UBR1: variants seen among roughly 807,000 people sequenced by gnomAD.
UBR1 encodes E3 ubiquitin-protein ligase UBR1.
Under a neutral mutation model 242.1 loss-of-function variants are expected in UBR1, and 102 were observed. That is an observed-to-expected ratio of 0.42 (90% CI 0.36 to 0.50). The LOEUF (loss-of-function observed/expected upper bound fraction) is 0.50. Among genes scored for constraint, UBR1 ranks in the 20% least tolerant of loss-of-function variants. The pLI is 0.01. For missense variants in UBR1, 1,772 were observed against 2,101.8 expected (o/e 0.84, Z 3.07); for synonymous variants, 675 against 684.8 (o/e 0.99, Z 0.22).
chr15:43,044,458 T>A (rs912379367), intron 14 of UBR1, among the ~76,000 whole-genome samples: 4 of 152,154 alleles, frequency 2.6e-5, no homozygotes, highest in Non-Finnish European at 5.9e-5. Flanking sequence ...TCTGGGTGAA[T>A]ACAGAAGGGA....
intron 12 of UBR1, among the ~76,000 whole-genome samples, chr15:43,052,474 G>A (rs2033568326): frequency 6.6e-6 from 1 of 152,208 alleles, no homozygotes; most frequent in Non-Finnish European, 1.5e-5. Context: ...TGCTTTGAGA[G>A]AATGAAAATT....
In UBR1 at chr15:42,995,462, A is replaced by G. The variant is rs554887419; in HGVS notation, c.3757+2706T>C. 1.8e-3 allele frequency among the ~76,000 whole-genome samples: 268 copies of G among 151,678 alleles called. 2 individuals carry two copies. Among genetic ancestry groups the G allele is most frequent in the African/African-American group, 4.6e-3 (189 of 41,358 alleles). On this transcript the variant is annotated intron_variant, in intron 33 of 46. Coordinates refer to ENST00000290650, the MANE Select transcript of UBR1 (RefSeq NM_174916.3). Reference sequence around the variant, plus strand: ...ATCACAAGGTCAGGAGATCAAGACCATCCTGGCTAACACGGTGAAACCCCG... The same window carrying G: ...ATCACAAGGTCAGGAGATCAAGACCGTCCTGGCTAACACGGTGAAACCCCG...
chr15:42,966,176 G>A lies in UBR1; in HGVS notation c.4568C>T (p.Thr1523Ile). The part of the protein sequence containing the change: ...ALFFHYLLGV[T>I]PPEELHTNSA... ...ACTGGTATGCAGTTCCTCAGGCGGAGTTACCCCAAGTAAATAGTGGAAAAA... is the reference window on the plus strand; with the variant it reads ...ACTGGTATGCAGTTCCTCAGGCGGAATTACCCCAAGTAAATAGTGGAAAAA... Residue 1523 changes from threonine to isoleucine, a missense_variant, in exon 41 of 47, where the codon ACT (threonine) becomes ATT (isoleucine). Thr to Ile is a moderately conservative substitution (Grantham distance 89). Coordinates refer to ENST00000290650, the MANE Select transcript of UBR1 (RefSeq NM_174916.3). 1.2e-6 allele frequency: 2 copies of A among 1,614,118 alleles called. No individual in the cohort carries two copies. The highest frequency in any genetic ancestry group is 1.7e-6 in the Non-Finnish European group (2 of 1,180,028).
At chr15:43,001,502 T>C (rs1372181978) in intron 32 of UBR1, among the ~76,000 whole-genome samples, 1 of 152,248 alleles carries the variant, frequency 6.6e-6, no homozygotes, top group African/African-American at 2.4e-5. Context: ...TGAACTTTTA[T>C]GGGGACATAA....
Position 43,024,428 on chromosome 15 carries a change from CTAA to C in UBR1, c.2739+398_2739+400del, listed in dbSNP as rs555567539. Among the ~76,000 whole-genome samples, 26 of 152,314 alleles carry C rather than the reference CTAA, an allele frequency of 1.7e-4. No individual in the cohort carries two copies. The South Asian group carries it at 5.4e-3, about 32-fold the overall frequency. ...AATAATTACACTTTTATCCATTTTA[CTAA>C]TGAGAAAATTATTATTTGCTCCTTA... is the stretch of plus-strand genomic sequence containing the variant. On this transcript the variant is annotated intron_variant, in intron 25 of 46. Coordinates refer to ENST00000290650, the MANE Select transcript of UBR1 (RefSeq NM_174916.3).
intron 45 of UBR1, among the ~76,000 whole-genome samples, chr15:42,951,651 G>A (rs563121313): frequency 2.0e-5 from 3 of 151,704 alleles, no homozygotes; most frequent in African/African-American, 7.2e-5. Context: ...TTTTTTGATA[G>A]AGGATCTCAC....
chr15:42,945,548 C>CA, intron 46 of UBR1, 78 bp from the exon 47 acceptor site: 1 of 1,559,544 alleles, frequency 6.4e-7, no homozygotes, highest in Non-Finnish European at 8.7e-7. Flanking sequence ...AATTAGTATG[C>CA]ACTCTTGAGA....
chr15:43,012,677 C>T (rs2032940832), intron 29 of UBR1, among the ~76,000 whole-genome samples: 1 of 152,140 alleles, frequency 6.6e-6, no homozygotes, highest in Non-Finnish European at 1.5e-5. Context: ...GTTGTTAATA[C>T]ATAATATCTA....
intron 40 of UBR1, among the ~76,000 whole-genome samples, chr15:42,969,348 C>T (rs1006127976): frequency 6.6e-6 from 1 of 152,196 alleles, no homozygotes; most frequent in Non-Finnish European, 1.5e-5. Flanking sequence ...CCTTCGCCCA[C>T]TTTCTGATAG....
At chr15:43,055,039 C>G in intron 11 of UBR1, 140 bp from the exon 12 acceptor site, 2 of 1,029,614 alleles carry the variant, frequency 1.9e-6, no homozygotes, top group Non-Finnish European at 2.9e-6. Context: ...CTTAGTTTCA[C>G]TGAATAGCAA....
Position 43,036,174 on chromosome 15 carries a change from A to C in UBR1, c.2190+4T>G. ...TTAATTCACATAATTTACAGGTTGT[A>C]TACCTGGTCTTTTGTAGATATGGTC... On this transcript the variant is annotated splice_donor_region_variant and intron_variant, in intron 19 of 46. Coordinates refer to ENST00000290650, the MANE Select transcript of UBR1 (RefSeq NM_174916.3). 6.3e-7 allele frequency: 1 copy of C among 1,598,180 alleles called. No individual in the cohort carries two copies. Among genetic ancestry groups the C allele is most frequent in the Non-Finnish European group, 8.6e-7 (1 of 1,165,742 alleles).
intron 39 of UBR1, 106 bp downstream of exon 39, chr15:42,976,609 CAT>C: frequency 2.2e-6 from 3 of 1,376,920 alleles, no homozygotes; most frequent in South Asian, 1.2e-5. Context: ...CAACAAAAAA[CAT>C]AACACAGAAC....
chr15:43,037,865 C>T lies in UBR1; in HGVS notation c.1930G>A (p.Val644Ile). The T allele has an allele frequency of 1.9e-6, 3 of 1,613,934 alleles. No homozygotes were observed. The highest frequency in any genetic ancestry group is 2.5e-6 in the Non-Finnish European group (3 of 1,179,940). The change falls in exon 17 of 47, where the codon GTA becomes ATA. Residue 644 changes from valine (V) to isoleucine (I), a missense_variant. Physicochemically the swap from Val to Ile is conservative, Grantham distance 29. This residue lies in a region of UBR1 where 734 missense variants were observed against 893.3 expected (regional missense o/e 0.82). Transcript: ENST00000290650. ...CAACGTAAAGGATATTCCACTAGTA[C>T]CTCTACTTGAAAGTCCTCCTGAAAT... The part of the protein sequence containing the change: ...FVSFEDFQVE[V>I]LVEYPLRCLV...
At chr15:43,033,641 G>A (rs532114279) in intron 19 of UBR1, among the ~76,000 whole-genome samples, 9 of 152,096 alleles carry the variant, frequency 5.9e-5, no homozygotes, top group South Asian at 2.1e-4. Context: ...GCGACAGAGC[G>A]AGACTTCGTC....
At chr15:43,084,054 A>G (rs897768284) in intron 2 of UBR1, among the ~76,000 whole-genome samples, 3 of 152,182 alleles carry the variant, frequency 2.0e-5, no homozygotes, top group African/African-American at 7.2e-5. Flanking sequence ...TCAAAAACAA[A>G]CAAACAAACA....
At chr15:43,011,796 A>T in intron 29 of UBR1, 1 of 352,336 alleles carries the variant, frequency 2.8e-6, no homozygotes, top group Admixed American at 3.2e-5. Flanking sequence ...TTCCACAAGG[A>T]GACACATACA....
chr15:43,098,156 G>A (rs561702980), intron 1 of UBR1, among the ~76,000 whole-genome samples: 2 of 152,300 alleles, frequency 1.3e-5, no homozygotes, highest in African/African-American at 2.4e-5. Context: ...CCAAGGAGAC[G>A]GAGAGAGATG....
chr15:43,093,738 ATCGCGCCACC>A (rs914366214), intron 1 of UBR1, among the ~76,000 whole-genome samples: 7 of 147,714 alleles, frequency 4.7e-5, no homozygotes, highest in African/African-American at 1.8e-4. Context: ...GCAAGCCCTG[ATCGCGCCACC>A]GCACTTCATT....
In UBR1 at chr15:42,943,618, G is replaced by A. The variant is rs1323702209; in HGVS notation, c.*1711C>T. 6.6e-6 allele frequency: 1 copy of A among 152,122 alleles called. No individual in the cohort carries two copies. The highest frequency in any genetic ancestry group is 1.5e-5 in the Non-Finnish European group (1 of 68,030). 9.4% of individuals were successfully genotyped at this position (152,122 alleles called of 1,614,324 possible). On this transcript the variant is annotated 3_prime_UTR_variant, in exon 47 of 47. Transcript: ENST00000290650. ...AAGTCAGTTTATCTTTGCTAAATTGGGGCCCATCTATTAGGGTAGAAGTCA... is the reference window on the plus strand; with the variant it reads ...AAGTCAGTTTATCTTTGCTAAATTGAGGCCCATCTATTAGGGTAGAAGTCA...
Sources: allele counts gnomAD v4.1 joint callset (sites outside exome capture counted in the v4.1 genomes callset), GRCh38; gene constraint gnomAD v4.1.1; regional missense constraint gnomAD v4.1.1; transcripts MANE v1.5; gene names NCBI Gene and HGNC (gene_info 2026-07-23, HGNC 2026-07-21).